ARHGAP32: variants seen among roughly 807,000 people sequenced by gnomAD.
ARHGAP32 encodes rho GTPase-activating protein 32.
A neutral mutation model predicts 186.5 loss-of-function variants in ARHGAP32; 51 were observed. The observed-to-expected ratio is 0.27, with a 90% CI of 0.22 to 0.35. The LOEUF is 0.35. ARHGAP32 is among the 10% of genes least tolerant of loss of function. ARHGAP32 has a pLI of 1.00. For missense variants in ARHGAP32, 2,186 were observed against 2,623.5 expected (o/e 0.83, Z 3.64); for synonymous variants, 950 against 964.3 (o/e 0.99, Z 0.27).
intron 1 of ARHGAP32, among the ~76,000 whole-genome samples, chr11:129,189,842 T>C (rs771539196): frequency 7.1e-4 from 108 of 152,210 alleles, no homozygotes; most frequent in Non-Finnish European, 1.0e-3. Context: ...CTAAAGCAGA[T>C]GGCACCTGGA....
rs563396411 is a variant in ARHGAP32, at chr11:129,155,588, T to G, written c.225+8731A>C. On this transcript the variant is annotated intron_variant, in intron 2 of 22. Coordinates refer to ENST00000682385, the MANE Select transcript of ARHGAP32 (RefSeq NM_001378024.1). ...AATTTCTTCATAAAAAATAACAAGA[T>G]TGCAACCTAAGTACATTTCCTAGTA... 3.3e-5 allele frequency among the ~76,000 whole-genome samples: 5 copies of G among 152,248 alleles called. No individual in the cohort carries two copies. In the South Asian group the frequency reaches 1.0e-3, roughly 32 times the overall value.
At chr11:128,995,447 C>A (rs910336279) in intron 12 of ARHGAP32, among the ~76,000 whole-genome samples, 3 of 152,192 alleles carry the variant, frequency 2.0e-5, no homozygotes, top group African/African-American at 4.8e-5. Flanking sequence ...TGGCCTCCAG[C>A]GATCCTCCTA....
chr11:129,045,751 A>G (rs1046470980), intron 10 of ARHGAP32, among the ~76,000 whole-genome samples: 1 of 152,176 alleles, frequency 6.6e-6, no homozygotes, highest in African/African-American at 2.4e-5. Context: ...TTCAATTTAC[A>G]TGGCTGGAAA....
chr11:129,191,699 C>T (rs1466807554), intron 1 of ARHGAP32, among the ~76,000 whole-genome samples: 1 of 146,276 alleles, frequency 6.8e-6, no homozygotes, highest in East Asian at 2.0e-4. Flanking sequence ...CACACACACA[C>T]CACATTCCAA....
At chr11:129,066,933 A>G (rs575485638) in intron 6 of ARHGAP32, 65 bp from the exon 7 acceptor site, 1 of 1,293,070 alleles carries the variant, frequency 7.7e-7, no homozygotes, top group African/African-American at 1.5e-5. Flanking sequence ...GAATCAGGCC[A>G]TATTCTATAA....
At chr11:129,128,214 A>G (rs966230225) in intron 2 of ARHGAP32, among the ~76,000 whole-genome samples, 3 of 152,186 alleles carry the variant, frequency 2.0e-5, no homozygotes, top group Non-Finnish European at 4.4e-5. Flanking sequence ...TCCTGTATAC[A>G]GTATATTGGG....
At chr11:129,072,533 C>T (rs990754605) in intron 6 of ARHGAP32, among the ~76,000 whole-genome samples, 9 of 152,266 alleles carry the variant, frequency 5.9e-5, no homozygotes, top group East Asian at 1.9e-4. Flanking sequence ...AGTGGGGTCA[C>T]GGAACAAATC....
intron 6 of ARHGAP32, among the ~76,000 whole-genome samples, chr11:129,086,406 T>C (rs1697248860): frequency 6.6e-6 from 1 of 152,164 alleles, no homozygotes; most frequent in South Asian, 2.1e-4. Flanking sequence ...ACAAAAGGCA[T>C]GATCCATGAA....
intron 6 of ARHGAP32, among the ~76,000 whole-genome samples, chr11:129,086,561 C>T (rs1227554165): frequency 6.6e-6 from 1 of 152,138 alleles, no homozygotes; most frequent in African/African-American, 2.4e-5. Flanking sequence ...GTGGCTCACG[C>T]CTGTAATCCC....
intron 5 of ARHGAP32, among the ~76,000 whole-genome samples, chr11:129,120,733 GAAGA>G (rs1015983960): frequency 5.9e-5 from 9 of 152,064 alleles, no homozygotes; most frequent in African/African-American, 2.2e-4. Context: ...GATCTGAAGA[GAAGA>G]AAGAGCTATA....
intron 5 of ARHGAP32, 148 bp from the exon 6 acceptor site, chr11:129,093,855 A>C (rs1941654287): frequency 1.6e-5 from 10 of 628,520 alleles, no homozygotes; most frequent in Non-Finnish European, 2.8e-5. Context: ...TTCATTGCTT[A>C]AGGCAGATGA....
At position 129,135,892 on chromosome 11, in the gene ARHGAP32, C is replaced by T. The variant is rs188575995; in HGVS notation, c.226-10998G>A. ...GTTCTTCTATAAAGTACCTTCATGA[C>T]ATTGGGATAGGCGAAGATTTCTTAA... is the stretch of plus-strand genomic sequence containing the variant. On this transcript the variant is annotated intron_variant, in intron 2 of 22. Transcript: ENST00000682385. Among the ~76,000 whole-genome samples, 121 of 152,260 alleles carry T rather than the reference C, an allele frequency of 7.9e-4. No homozygotes were observed. In the Middle Eastern group the frequency reaches 0.014, roughly 17 times the overall value.
At chr11:129,270,653 T>G (rs987614947) in intron 1 of ARHGAP32, among the ~76,000 whole-genome samples, 2 of 151,816 alleles carry the variant, frequency 1.3e-5, no homozygotes, top group African/African-American at 4.8e-5. Flanking sequence ...AAGCTGCATA[T>G]GTGTAAAGAC....
At position 128,990,239 on chromosome 11, in the gene ARHGAP32, G is replaced by C. The variant is rs144297406; in HGVS notation, c.1196-2114C>G. On this transcript the variant is annotated intron_variant, in intron 12 of 22. Transcript: ENST00000682385. ...AGCCTTCATTGAATACCCACAAGTA[G>C]AGGTGGCTGAGCACTGTGTTCTATG... Among the ~76,000 whole-genome samples, 838 of 152,264 alleles carry C rather than the reference G, an allele frequency of 5.5e-3. 9 individuals are homozygous for C. Among genetic ancestry groups the C allele is most frequent in the African/African-American group, 0.019 (801 of 41,552 alleles).
chr11:129,171,761 A>T (rs566116173), intron 1 of ARHGAP32, among the ~76,000 whole-genome samples: 1 of 152,342 alleles, frequency 6.6e-6, no homozygotes, highest in East Asian at 1.9e-4. Flanking sequence ...TACTTCAGGC[A>T]GTATGGCCAT....
rs1193126998 is a variant in ARHGAP32, at chr11:129,123,820, T to C, written c.359+68A>G. On this transcript the variant is annotated intron_variant, in intron 4 of 22. Coordinates refer to ENST00000682385, the MANE Select transcript of ARHGAP32 (RefSeq NM_001378024.1). This position sits in a 1 kb window ranked among gnomAD's most constrained non-coding sequence, Gnocchi z 4.6. ...AAACTGCTATTTTCGGCAAATGTTATGGAAACTGTGGACAGCCAGCTTCTA... is the reference window on the plus strand; with the variant it reads ...AAACTGCTATTTTCGGCAAATGTTACGGAAACTGTGGACAGCCAGCTTCTA... 2.4e-6 allele frequency: 3 copies of C among 1,236,936 alleles called. No homozygotes were observed. The highest frequency in any genetic ancestry group is 3.2e-6 in the Non-Finnish European group (3 of 943,700). 76.6% of individuals were successfully genotyped at this position (1,236,936 alleles called of 1,614,324 possible).
intron 12 of ARHGAP32, 122 bp from the exon 13 acceptor site, chr11:128,988,247 G>T: frequency 1.5e-6 from 1 of 676,392 alleles, no homozygotes. Context: ...AAGTTAAAAG[G>T]AGCAAAAATT....
intron 6 of ARHGAP32, among the ~76,000 whole-genome samples, chr11:129,077,431 C>T (rs941875052): frequency 1.3e-5 from 2 of 152,080 alleles, no homozygotes; most frequent in Non-Finnish European, 2.9e-5. Flanking sequence ...CACCAGCTGA[C>T]AGGATATAAA....
chr11:129,097,763 T>G (rs1420559888), intron 5 of ARHGAP32, among the ~76,000 whole-genome samples: 1 of 152,018 alleles, frequency 6.6e-6, no homozygotes, highest in East Asian at 1.9e-4. Context: ...GAAAAGATAA[T>G]GGCCCCAAAC....
Sources: gnomAD v4.1 joint callset for allele counts (sites outside exome capture counted in the v4.1 genomes callset) on GRCh38, gnomAD v4.1.1 for gene constraint, Gnocchi (gnomAD v3.1) non-coding constraint, MANE v1.5 for transcripts, NCBI Gene and HGNC (gene_info 2026-07-23, HGNC 2026-07-21) for gene names.